XIRP2: variants seen among roughly 807,000 people sequenced by gnomAD.
XIRP2 encodes xin actin binding repeat containing 2, also known as xin actin-binding repeat-containing protein 2.
A neutral mutation model predicts 277.0 loss-of-function variants in XIRP2; 236 were observed. The ratio of observed to expected loss-of-function variants is 0.85; its 90% CI spans 0.77 to 0.95. The LOEUF (loss-of-function observed/expected upper bound fraction) is 0.95, where lower values mean the gene tolerates loss of function less well. Among genes scored for constraint, XIRP2 ranks in the 40% least tolerant of loss-of-function variants. XIRP2 has a pLI of 0.00. For missense variants in XIRP2, 4,640 were observed against 4,157.5 expected, an observed-to-expected ratio of 1.12 and a Z score of -3.19; for synonymous variants, 1,490 against 1,416.5, an observed-to-expected ratio of 1.05 and a Z score of -1.17.
At chr2:167,136,857 G>A (rs912276228) in intron 3 of XIRP2, among the ~76,000 whole-genome samples, 1 of 152,190 alleles carries the variant, frequency 6.6e-6, no homozygotes, top group Non-Finnish European at 1.5e-5. Context: ...CAGTCCATGT[G>A]AGCAATGTGG....
chr2:167,248,189 C>A lies in XIRP2; in HGVS notation c.6797C>A (p.Ala2266Glu). The change falls in exon 9 of 11, where the codon GCA (alanine) becomes GAA (glutamate). Residue 2266 changes from alanine (A) to glutamate (E), a missense_variant. Transcript: ENST00000409195. ...AATACTTCCACAGGCTTAAAAATGG[C>A]AATGGAAAGGTCCTTGAATCCAATC... Reference protein sequence around the residue: ...KTNTSTGLKMAMERSLNPINF... With the variant: ...KTNTSTGLKMEMERSLNPINF... The A allele has an allele frequency of 6.2e-7, 1 of 1,613,678 alleles. No individual in the cohort carries two copies. The highest frequency in any genetic ancestry group is 8.5e-7 in the Non-Finnish European group (1 of 1,179,770).
intron 2 of XIRP2, among the ~76,000 whole-genome samples, chr2:167,028,475 T>C (rs1328766609): frequency 2.6e-5 from 4 of 152,086 alleles, no homozygotes; most frequent in Non-Finnish European, 5.9e-5. Context: ...ATCTCTATGA[T>C]TCTGTAAGAG....
intron 2 of XIRP2, among the ~76,000 whole-genome samples, chr2:167,095,467 T>G (rs1029893999): frequency 6.6e-6 from 1 of 152,166 alleles, no homozygotes; most frequent in South Asian, 2.1e-4. Context: ...AAATAGCTCT[T>G]ATTATTTTGA....
intron 2 of XIRP2, among the ~76,000 whole-genome samples, chr2:167,081,681 A>G (rs918836009): frequency 6.6e-6 from 1 of 152,186 alleles, no homozygotes; most frequent in Non-Finnish European, 1.5e-5. Context: ...AGAAGTCAGA[A>G]AGTATTTAAA....
At chr2:166,981,595 T>A (rs1478335663) in intron 2 of XIRP2, among the ~76,000 whole-genome samples, 1 of 152,056 alleles carries the variant, frequency 6.6e-6, no homozygotes, top group East Asian at 1.9e-4. Flanking sequence ...CTAATTTTTT[T>A]TCACCGTGTT....
intron 2 of XIRP2, among the ~76,000 whole-genome samples, chr2:167,100,998 C>T (rs1346236834): frequency 6.6e-6 from 1 of 151,826 alleles, no homozygotes; most frequent in Non-Finnish European, 1.5e-5. Context: ...ATCTTTTATC[C>T]AGATTCTCAA....
intron 5 of XIRP2, among the ~76,000 whole-genome samples, chr2:167,220,751 C>T (rs1157214766): frequency 6.6e-6 from 1 of 152,164 alleles, no homozygotes; most frequent in East Asian, 1.9e-4. Context: ...TTGGCTTAGA[C>T]CTCTGTACCT....
At chr2:167,053,774 T>G (rs1043329927) in intron 2 of XIRP2, among the ~76,000 whole-genome samples, 4 of 152,196 alleles carry the variant, frequency 2.6e-5, no homozygotes, top group Non-Finnish European at 5.9e-5. Context: ...TTATTGCCCT[T>G]TGACATCTTA....
chr2:167,040,769 C>T (rs1447934782), intron 2 of XIRP2, among the ~76,000 whole-genome samples: 1 of 152,188 alleles, frequency 6.6e-6, no homozygotes, highest in Non-Finnish European at 1.5e-5. Flanking sequence ...ACCACCATAG[C>T]TCTTTCACCT....
intron 2 of XIRP2, among the ~76,000 whole-genome samples, chr2:167,076,581 C>T (rs6729645): frequency 0.017 from 2,618 of 152,236 alleles, 32 homozygotes; most frequent in African/African-American, 0.029. Flanking sequence ...TATATTCTTC[C>T]TTAATTACAG....
intron 3 of XIRP2, among the ~76,000 whole-genome samples, chr2:167,175,768 A>G (rs1692823894): frequency 6.6e-6 from 1 of 152,136 alleles, no homozygotes; most frequent in African/African-American, 2.4e-5. Context: ...GCTCTGTCCC[A>G]GGGAGTTGGG....
intron 4 of XIRP2, among the ~76,000 whole-genome samples, chr2:167,213,280 A>C (rs543956176): frequency 6.6e-6 from 1 of 152,168 alleles, no homozygotes. Context: ...CTCACAATAA[A>C]TCTGTGAGAA....
At position 167,243,124 on chromosome 2, in the gene XIRP2, A is replaced by T; in HGVS notation, c.1732A>T (p.Arg578Ter). 6.2e-7 allele frequency: 1 copy of T among 1,614,122 alleles called. No individual in the cohort carries two copies. Among genetic ancestry groups the T allele is most frequent in the East Asian group, 2.2e-5 (1 of 44,860 alleles). ...TCTGAAGGGAGAGGTGCAGTCCATT[A>T]GATGGATCTTTGAGAATCAACCATT... ...EILKGEVQSI[R>*]WIFENQPLDS... The change falls in exon 9 of 11, where the codon AGA (arginine) becomes TGA (stop). Residue 578 changes from arginine to a stop codon, truncating the protein, a stop_gained. Transcript: ENST00000409195. LOFTEE classifies it high-confidence loss of function.
At chr2:166,964,785 A>G (rs779894396) in intron 2 of XIRP2, among the ~76,000 whole-genome samples, 1 of 151,878 alleles carries the variant, frequency 6.6e-6, no homozygotes, top group Non-Finnish European at 1.5e-5. Context: ...AGTTTATCTT[A>G]GGCAGCCTTC....
At chr2:166,951,958 A>C (rs1466713886) in intron 2 of XIRP2, among the ~76,000 whole-genome samples, 1 of 151,836 alleles carries the variant, frequency 6.6e-6, no homozygotes, top group Non-Finnish European at 1.5e-5. Flanking sequence ...ATGCTCTACC[A>C]CTCAGCGGTG....
At chr2:167,136,381 G>GTT (rs1161730325) in intron 3 of XIRP2, among the ~76,000 whole-genome samples, 47 of 152,158 alleles carry the variant, frequency 3.1e-4, no homozygotes, top group African/African-American at 1.0e-3. Context: ...AAAATAAAAG[G>GTT]AAAACATACT....
chr2:166,897,235 A>G (rs1269202926), intron 1 of XIRP2, among the ~76,000 whole-genome samples: 1 of 152,116 alleles, frequency 6.6e-6, no homozygotes, highest in Non-Finnish European at 1.5e-5. Context: ...TTATTTTTCC[A>G]TGTAATTCTT....
chr2:166,926,074 A>T (rs1685181949), intron 2 of XIRP2, among the ~76,000 whole-genome samples: 1 of 151,988 alleles, frequency 6.6e-6, no homozygotes, highest in South Asian at 2.1e-4. Context: ...ACCCTATCTC[A>T]AAAAGAAAAA....
intron 2 of XIRP2, among the ~76,000 whole-genome samples, chr2:166,949,942 C>G (rs1268745902): frequency 6.6e-6 from 1 of 151,742 alleles, no homozygotes; most frequent in Admixed American, 6.6e-5. Flanking sequence ...TTCTTTTTTT[C>G]CCTTTTTACA....
Sources: gnomAD v4.1 joint callset for allele counts (sites outside exome capture counted in the v4.1 genomes callset) on GRCh38, gnomAD v4.1.1 for gene constraint, MANE v1.5 for transcripts, NCBI Gene and HGNC (gene_info 2026-07-23, HGNC 2026-07-21) for gene names.